ERMARD: variants seen among roughly 807,000 people sequenced by gnomAD.
ERMARD encodes endoplasmic reticulum membrane-associated RNA degradation protein.
Under a neutral mutation model 83.9 loss-of-function variants are expected in ERMARD, and 71 were observed. The observed-to-expected ratio is 0.85, with a 90% CI of 0.70 to 1.03. The LOEUF (loss-of-function observed/expected upper bound fraction) is 1.03. Ranked by LOEUF, ERMARD falls within the 50% of genes least tolerant of loss-of-function variation. The pLI, the probability that ERMARD is intolerant of heterozygous loss-of-function variation, is 0.00. For synonymous variants in ERMARD, 284 were observed against 298.6 expected (o/e 0.95, Z 0.50); for missense variants, 838 against 810.9 (o/e 1.03, Z -0.41).
chr6:169,780,372 G>A (rs915543430), intron 17 of ERMARD, among the ~76,000 whole-genome samples: 2 of 152,162 alleles, frequency 1.3e-5, no homozygotes, highest in Non-Finnish European at 2.9e-5. Flanking sequence ...TAGACAAAGT[G>A]TCTGTGGCTT....
chr6:169,762,390 A>G, intron 8 of ERMARD, 39 bp from the exon 9 acceptor site: 1 of 1,572,632 alleles, frequency 6.4e-7, no homozygotes. Flanking sequence ...TTTATTTTTG[A>G]AATGTGGAGT....
rs4716345 is a variant in ERMARD, at chr6:169,776,371, A to G, written c.1521-84A>G. 366,591 of 1,559,570 alleles carry G rather than the reference A, an allele frequency of 0.24. 45,111 individuals are homozygous for G. The highest frequency in any genetic ancestry group is 0.42 in the African/African-American group (30,900 of 73,412). On this transcript the variant is annotated intron_variant, in intron 15 of 17. Coordinates refer to ENST00000366773, the MANE Select transcript of ERMARD (RefSeq NM_018341.3). ...TACGCCGCTAGCCCTGGCTCCCAGA[A>G]AGCCGCAGCCTTGCAGGTGCAGAAG...
intron 9 of ERMARD, 28 bp downstream of exon 9, chr6:169,762,559 A>C (rs1791692055): frequency 6.4e-7 from 1 of 1,572,836 alleles, no homozygotes; most frequent in African/African-American, 1.4e-5. Flanking sequence ...ATTGATTGTG[A>C]TCATTGTTGC....
At chr6:169,775,761 C>A in intron 14 of ERMARD, 179 bp from the exon 15 acceptor site, 1 of 769,080 alleles carries the variant, frequency 1.3e-6, no homozygotes, top group Non-Finnish European at 2.0e-6. Flanking sequence ...TTGCTCTTGG[C>A]ATATGGCATC....
At chr6:169,773,635 T>C (rs926616449) in intron 13 of ERMARD, among the ~76,000 whole-genome samples, 1 of 152,118 alleles carries the variant, frequency 6.6e-6, no homozygotes, top group African/African-American at 2.4e-5. Context: ...GGCACTGAGG[T>C]TTTTAGTGTT....
chr6:169,762,556 G>T, intron 9 of ERMARD, 25 bp downstream of exon 9: 4 of 1,573,760 alleles, frequency 2.5e-6, no homozygotes, highest in Non-Finnish European at 3.5e-6. Flanking sequence ...ATTATTGATT[G>T]TGATCATTGT....
At chr6:169,778,100 A>G (rs60972185) in intron 16 of ERMARD, among the ~76,000 whole-genome samples, 10,099 of 152,264 alleles carry the variant, frequency 0.066, 642 homozygotes, top group East Asian at 0.16. Context: ...TAACGTGCAC[A>G]GCTCTGGGAT....
chr6:169,756,663 T>G, intron 4 of ERMARD, 56 bp from the exon 5 acceptor site: 1 of 1,463,546 alleles, frequency 6.8e-7, no homozygotes, highest in South Asian at 1.1e-5. Context: ...GGATAATGTT[T>G]TTAATGTTTA....
chr6:169,752,862 A>G (rs941402079), intron 1 of ERMARD, among the ~76,000 whole-genome samples: 1 of 152,202 alleles, frequency 6.6e-6, no homozygotes, highest in Non-Finnish European at 1.5e-5. Context: ...CATGGCAGGG[A>G]AGGCTAAACT....
chr6:169,753,594 A>G (rs1790433447), intron 1 of ERMARD, among the ~76,000 whole-genome samples: 1 of 152,102 alleles, frequency 6.6e-6, no homozygotes, highest in Admixed American at 6.5e-5. Context: ...AGGAATAAAC[A>G]ATGGCTACCC....
rs141044415 is a variant in ERMARD, at chr6:169,776,471, C to T, written c.1537C>T (p.Arg513Cys). ...TGTTTGCAGGTGGCCCCAGCTTCTC[C>T]GTGAGCTCTGCAGCACACCTGTTCC... ...LPTETWPQLL[R>C]ELCSTPVPTL... The change falls in exon 16 of 18, where the codon CGT becomes TGT. Residue 513 changes from arginine (R) to cysteine (C), a missense_variant. Arg to Cys is a radical substitution (Grantham distance 180). Coordinates refer to ENST00000366773, the MANE Select transcript of ERMARD (RefSeq NM_018341.3). 1.6e-5 allele frequency: 26 copies of T among 1,613,728 alleles called. No homozygotes were observed. The highest frequency in any genetic ancestry group is 9.3e-5 in the African/African-American group (7 of 74,926).
At position 169,776,537 on chromosome 6, in the gene ERMARD, G is replaced by A; in HGVS notation, c.1603G>A (p.Val535Met). ...CPRIVLEVLV[V>M]LRSISEQCRR... The stretch of plus-strand genomic sequence containing the variant: ...CAGGATTGTGCTGGAAGTGCTGGTT[G>A]TGCTCCGAAGCATCAGCGAACAGTG... The change falls in exon 16 of 18, where the codon GTG becomes ATG. Residue 535 changes from valine to methionine, a missense_variant. Coordinates refer to ENST00000366773, the MANE Select transcript of ERMARD (RefSeq NM_018341.3). 1 of 1,614,184 alleles carries A rather than the reference G, an allele frequency of 6.2e-7. No homozygotes were observed. The highest frequency in any genetic ancestry group is 8.5e-7 in the Non-Finnish European group (1 of 1,180,032).
intron 2 of ERMARD, 137 bp downstream of exon 2, chr6:169,754,169 G>A: frequency 2.6e-6 from 2 of 783,652 alleles, no homozygotes; most frequent in Non-Finnish European, 3.8e-6. Flanking sequence ...AAGGAGAACA[G>A]GAATCAATGT....
At chr6:169,766,751 G>A (rs1279035825) in intron 10 of ERMARD, 84 bp downstream of exon 10, 1 of 1,379,268 alleles carries the variant, frequency 7.3e-7, no homozygotes, top group Non-Finnish European at 9.7e-7. Context: ...CAAAATTAAA[G>A]ATCAGCCATA....
At chr6:169,774,081 A>G (rs1317516158) in intron 13 of ERMARD, among the ~76,000 whole-genome samples, 1 of 152,214 alleles carries the variant, frequency 6.6e-6, no homozygotes, top group African/African-American at 2.4e-5. Context: ...CACGCCTGTA[A>G]TCCCAGCACT....
intron 2 of ERMARD, among the ~76,000 whole-genome samples, chr6:169,754,361 G>T (rs1790528149): frequency 6.6e-6 from 1 of 152,158 alleles, no homozygotes; most frequent in African/African-American, 2.4e-5. Context: ...GGTAGAAAAT[G>T]ACCAGTAATA....
chr6:169,774,941 A>C (rs1442876589), intron 13 of ERMARD, among the ~76,000 whole-genome samples: 1 of 152,088 alleles, frequency 6.6e-6, no homozygotes, highest in Non-Finnish European at 1.5e-5. Flanking sequence ...GCATCGTCAC[A>C]CCTGCTGTGT....
rs140145027 is a variant in ERMARD at position 169,780,545 on chromosome 6, T to G, written c.1854-785T>G. On this transcript the variant is annotated intron_variant, in intron 17 of 17. Transcript: ENST00000366773. ...ATTTTGAGAAATAACTTAAGTAAAATCTCTTTAACAGCAACAGCTGTCTCA... is the reference window on the plus strand; with the variant it reads ...ATTTTGAGAAATAACTTAAGTAAAAGCTCTTTAACAGCAACAGCTGTCTCA... Among the ~76,000 whole-genome samples, 7 of 152,280 alleles carry G rather than the reference T, an allele frequency of 4.6e-5. No individual in the cohort carries two copies. In the East Asian group the frequency reaches 1.4e-3, roughly 29 times the overall value.
chr6:169,763,924 A>G (rs1244101700), intron 9 of ERMARD, among the ~76,000 whole-genome samples: 2 of 152,216 alleles, frequency 1.3e-5, no homozygotes, highest in African/African-American at 2.4e-5. Context: ...GCTTATGTTC[A>G]CTAAATATCT....
Sources: gnomAD v4.1 joint callset for allele counts (sites outside exome capture counted in the v4.1 genomes callset) on GRCh38, gnomAD v4.1.1 for gene constraint, MANE v1.5 for transcripts, NCBI Gene and HGNC (gene_info 2026-07-23, HGNC 2026-07-21) for gene names.